Variants in ANO2 observed in about 807,000 individuals in gnomAD.
The protein encoded by ANO2 is anoctamin 2.
In ANO2, 101 loss-of-function variants were observed where a neutral mutation model predicts 124.2. The observed-to-expected ratio is 0.81, with a 90% CI of 0.69 to 0.96. The LOEUF is 0.96. Ranked by LOEUF, ANO2 falls within the 40% of genes least tolerant of loss-of-function variation. ANO2 has a pLI of 0.00. For synonymous variants in ANO2, 486 were observed against 482.5 expected, an observed-to-expected ratio of 1.01 and a Z score of -0.09; for missense variants, 1,293 against 1,274.5, an observed-to-expected ratio of 1.01 and a Z score of -0.22.
intron 16 of ANO2, among the ~76,000 whole-genome samples, chr12:5,627,025 C>T (rs1362413284): frequency 6.6e-6 from 1 of 152,178 alleles, no homozygotes; most frequent in Non-Finnish European, 1.5e-5. Flanking sequence ...TTCATGGTCA[C>T]AGCTCATGTC....
chr12:5,789,798 G>A (rs367728813), intron 10 of ANO2, among the ~76,000 whole-genome samples: 14 of 152,294 alleles, frequency 9.2e-5, no homozygotes, highest in South Asian at 2.1e-4. Context: ...TGGGCATGCC[G>A]GGCTAATTAA....
At chr12:5,700,804 G>A (rs748929450) in intron 14 of ANO2, among the ~76,000 whole-genome samples, 91 of 152,264 alleles carry the variant, frequency 6.0e-4, no homozygotes, top group Non-Finnish European at 5.9e-4. Context: ...CCCACAAAGT[G>A]CCTGTAACCA....
intron 10 of ANO2, among the ~76,000 whole-genome samples, chr12:5,773,243 G>A (rs1295516702): frequency 6.6e-5 from 10 of 152,092 alleles, no homozygotes; most frequent in African/African-American, 2.2e-4. Context: ...CCCATTTTTT[G>A]TTGATTTCCT....
intron 8 of ANO2, 85 bp downstream of exon 8, chr12:5,807,228 T>C (rs946264640): frequency 8.3e-7 from 1 of 1,202,212 alleles, no homozygotes; most frequent in Non-Finnish European, 1.2e-6. Context: ...CCTGCAGGTA[T>C]TCACCCATCT....
At chr12:5,703,780 C>T (rs967739718) in intron 14 of ANO2, among the ~76,000 whole-genome samples, 1 of 152,198 alleles carries the variant, frequency 6.6e-6, no homozygotes, top group Non-Finnish European at 1.5e-5. Context: ...AAATCCCAGG[C>T]TCAGGCCATC....
At chr12:5,771,325 G>C (rs1165457798) in intron 10 of ANO2, among the ~76,000 whole-genome samples, 1 of 152,056 alleles carries the variant, frequency 6.6e-6, no homozygotes, top group Non-Finnish European at 1.5e-5. Context: ...GAAGAATTCA[G>C]ACTCAAAGCT....
Position 5,758,510 on chromosome 12 carries a change from G to A in ANO2, c.1056-7540C>T, listed in dbSNP as rs951495480. Among the ~76,000 whole-genome samples the A allele has an allele frequency of 6.6e-5, 10 of 152,272 alleles. No homozygotes were observed. In the Middle Eastern group the frequency reaches 0.01, roughly 155 times the overall value. ...ATCAACAGCCTGATTCTAGGGGAGC[G>A]GGAGGGGCATGGAGAAATACCCCAT... On this transcript the variant is annotated intron_variant, in intron 10 of 24. Coordinates refer to ENST00000682330, the MANE Select transcript of ANO2 (RefSeq NM_001364791.2).
chr12:5,800,134 A>C (rs1952994680), intron 9 of ANO2, among the ~76,000 whole-genome samples: 1 of 152,182 alleles, frequency 6.6e-6, no homozygotes, highest in Non-Finnish European at 1.5e-5. Flanking sequence ...CATTGAGCTG[A>C]GACACAAAGG....
At chr12:5,663,045 A>C (rs1947526710) in intron 14 of ANO2, among the ~76,000 whole-genome samples, 1 of 152,208 alleles carries the variant, frequency 6.6e-6, no homozygotes, top group African/African-American at 2.4e-5. Flanking sequence ...TTCTGAAATG[A>C]GTAAGTGAAA....
chr12:5,606,745 TA>T (rs1366524505), intron 19 of ANO2, among the ~76,000 whole-genome samples: 1 of 152,170 alleles, frequency 6.6e-6, no homozygotes, highest in East Asian at 1.9e-4. Flanking sequence ...AAAATTATGT[TA>T]TTTTTTTCAA....
chr12:5,607,914 T>A (rs1394169864), intron 19 of ANO2, among the ~76,000 whole-genome samples: 1 of 152,092 alleles, frequency 6.6e-6, no homozygotes, highest in Admixed American at 6.6e-5. Flanking sequence ...ATATTGCAAT[T>A]TAATAATAAT....
chr12:5,922,589 T>TGGCC lies in ANO2; in HGVS notation c.207+30_207+31insGGCC. ...GGTGGCCTGCAACAGGGCTGGCCTA[T>TGGCC]CCCCCCACCCCACCCCCGCCCAGTA... On this transcript the variant is annotated intron_variant, in intron 2 of 24. Coordinates refer to ENST00000682330, the MANE Select transcript of ANO2 (RefSeq NM_001364791.2). 7.6e-6 allele frequency: 11 copies of TGGCC among 1,449,784 alleles called. No individual in the cohort carries two copies. In the African/African-American group the frequency reaches 8.7e-5, roughly 12 times the overall value. 89.8% of individuals were successfully genotyped at this position (1,449,784 alleles called of 1,614,324 possible). A position where few individuals can be genotyped will look rare whatever the true frequency, so the allele number is the denominator to read the frequency against.
chr12:5,635,790 T>A lies in ANO2; in HGVS notation c.1621-443A>T, dbSNP rs1377270780. Among the ~76,000 whole-genome samples, 1 of 152,176 alleles carries A rather than the reference T, an allele frequency of 6.6e-6. No homozygotes were observed. The highest frequency in any genetic ancestry group is 1.5e-5 in the Non-Finnish European group (1 of 68,034). ...GGTATTAAGTGCTAAATGAGGAGTA[T>A]AATTGCTGAAGGAACTCCAAGTACA... On this transcript the variant is annotated intron_variant, in intron 15 of 24. Transcript: ENST00000682330. The surrounding 1 kb of genome is among the most constrained non-coding windows in gnomAD (Gnocchi z 5.2).
intron 3 of ANO2, among the ~76,000 whole-genome samples, chr12:5,867,462 A>G (rs987827574): frequency 1.3e-5 from 2 of 152,222 alleles, no homozygotes; most frequent in African/African-American, 4.8e-5. Flanking sequence ...TCGATGTACT[A>G]GAAAGTCCTA....
chr12:5,905,123 G>A (rs1361139595), intron 3 of ANO2, among the ~76,000 whole-genome samples: 2 of 152,132 alleles, frequency 1.3e-5, no homozygotes, highest in Admixed American at 6.5e-5. Context: ...ATCCCTCACT[G>A]GCAGCAAGGG....
intron 16 of ANO2, among the ~76,000 whole-genome samples, chr12:5,633,700 G>A (rs369484644): frequency 2.0e-5 from 3 of 152,102 alleles, no homozygotes; most frequent in Admixed American, 6.5e-5. Context: ...GGCATCCTGC[G>A]TACACTTCAT....
intron 10 of ANO2, among the ~76,000 whole-genome samples, chr12:5,767,022 C>G (rs1231637177): frequency 6.6e-6 from 1 of 152,166 alleles, no homozygotes; most frequent in African/African-American, 2.4e-5. Flanking sequence ...CAGAGTTGAG[C>G]AGGAGATGAT....
chr12:5,787,156 T>C lies in ANO2; in HGVS notation c.1055+12351A>G, dbSNP rs1298682625. 2.0e-5 allele frequency among the ~76,000 whole-genome samples: 3 copies of C among 152,080 alleles called. No homozygotes were observed. Among genetic ancestry groups the C allele is most frequent in the South Asian group, 2.1e-4 (1 of 4,820 alleles). On this transcript the variant is annotated intron_variant, in intron 10 of 24. Transcript: ENST00000682330. This position sits in a 1 kb window ranked among gnomAD's most constrained non-coding sequence, Gnocchi z 4.2. ...GTCCTTCAGAAGGACAAAGGGCACATAGGAGGAAACCATCCTGTTAGACAC... is the reference window on the plus strand; with the variant it reads ...GTCCTTCAGAAGGACAAAGGGCACACAGGAGGAAACCATCCTGTTAGACAC...
intron 14 of ANO2, among the ~76,000 whole-genome samples, chr12:5,686,605 A>G (rs1256427107): frequency 6.6e-6 from 1 of 152,200 alleles, no homozygotes; most frequent in Non-Finnish European, 1.5e-5. Flanking sequence ...GTGTGGGGAC[A>G]TGTTAAGAGA....
Sources: gnomAD v4.1 joint callset for allele counts (sites outside exome capture counted in the v4.1 genomes callset) on GRCh38, gnomAD v4.1.1 for gene constraint, Gnocchi (gnomAD v3.1) non-coding constraint, MANE v1.5 for transcripts, NCBI Gene and HGNC (gene_info 2026-07-23, HGNC 2026-07-21) for gene names.